POMGNT2: variants seen among roughly 807,000 people sequenced by gnomAD.
POMGNT2 encodes protein O-linked mannose N-acetylglucosaminyltransferase 2 (beta 1,4-).
POMGNT2 carries 32 observed loss-of-function variants against 37.8 expected under a neutral mutation model. The ratio of observed to expected loss-of-function variants is 0.85; its 90% CI spans 0.64 to 1.14. POMGNT2 has a LOEUF of 1.14. POMGNT2 is among the 50% of genes most tolerant of loss of function. POMGNT2 has a pLI of 0.00. For missense variants in POMGNT2, 705 were observed against 780.6 expected (o/e 0.90, Z 1.15); for synonymous variants, 340 against 336.8 (o/e 1.01, Z -0.10).
chr3:43,094,279 C>T (rs147304921), intron 1 of POMGNT2, among the ~76,000 whole-genome samples: 588 of 152,288 alleles, frequency 3.9e-3, no homozygotes, highest in Admixed American at 6.2e-3. Flanking sequence ...GATAAAGAGG[C>T]CTTTCCCCAT....
chr3:43,105,414 C>A (rs867458364), intron 1 of POMGNT2, among the ~76,000 whole-genome samples: 7 of 152,294 alleles, frequency 4.6e-5, no homozygotes, highest in Middle Eastern at 6.8e-3. Flanking sequence ...CAGGCCCGCT[C>A]CGCGCACCTC....
intron 1 of POMGNT2, among the ~76,000 whole-genome samples, chr3:43,085,760 C>T (rs1472011521): frequency 1.3e-5 from 2 of 149,802 alleles, no homozygotes; most frequent in East Asian, 1.9e-4. Flanking sequence ...GGGGTATTTA[C>T]AGCAAAAAAA....
At chr3:43,101,896 T>G (rs2090022155) in intron 1 of POMGNT2, among the ~76,000 whole-genome samples, 1 of 151,962 alleles carries the variant, frequency 6.6e-6, no homozygotes, top group Non-Finnish European at 1.5e-5. Context: ...CCACACAAAG[T>G]GCACCATTTG....
intron 1 of POMGNT2, among the ~76,000 whole-genome samples, 192 bp from the exon 2 acceptor site, chr3:43,081,728 C>T (rs1156366721): frequency 3.9e-5 from 6 of 152,332 alleles, no homozygotes; most frequent in South Asian, 4.1e-4. Context: ...CCCTCCCCAT[C>T]GCCTCCATGT....
chr3:43,091,552 C>A (rs1437918201), intron 1 of POMGNT2, among the ~76,000 whole-genome samples: 1 of 152,192 alleles, frequency 6.6e-6, no homozygotes, highest in Non-Finnish European at 1.5e-5. Context: ...CAGGCAAGAT[C>A]TGCTGATAGA....
intron 1 of POMGNT2, among the ~76,000 whole-genome samples, chr3:43,083,989 C>T (rs12497427): frequency 0.16 from 24,580 of 152,124 alleles, 2,395 homozygotes; most frequent in East Asian, 0.28. Context: ...ATTTTCACTG[C>T]GTATAGAATT....
chr3:43,082,227 GAAC>G (rs1266359956), intron 1 of POMGNT2, among the ~76,000 whole-genome samples: 1 of 152,200 alleles, frequency 6.6e-6, no homozygotes, highest in African/African-American at 2.4e-5. Flanking sequence ...CCTTAAATGA[GAAC>G]AACTGGCATT....
At chr3:43,093,649 C>T (rs1315599278) in intron 1 of POMGNT2, among the ~76,000 whole-genome samples, 2 of 152,114 alleles carry the variant, frequency 1.3e-5, no homozygotes, top group African/African-American at 2.4e-5. Flanking sequence ...CAGTCTACAC[C>T]GCTGTCTGAT....
At chr3:43,097,496 G>A (rs1452575253) in intron 1 of POMGNT2, among the ~76,000 whole-genome samples, 2 of 152,040 alleles carry the variant, frequency 1.3e-5, no homozygotes, top group Non-Finnish European at 2.9e-5. Flanking sequence ...AGGGGCAGGT[G>A]AGCAAGGGGG....
intron 1 of POMGNT2, among the ~76,000 whole-genome samples, chr3:43,103,287 T>C (rs1469967059): frequency 6.6e-6 from 1 of 152,090 alleles, no homozygotes; most frequent in African/African-American, 2.4e-5. Flanking sequence ...TCTCCTCCCT[T>C]ATCCACAGCT....
At chr3:43,095,843 A>G (rs965891489) in intron 1 of POMGNT2, among the ~76,000 whole-genome samples, 2 of 152,190 alleles carry the variant, frequency 1.3e-5, no homozygotes, top group Admixed American at 6.5e-5. Flanking sequence ...AGAGAACTCA[A>G]TCAGGGAGGA....
chr3:43,085,584 C>T (rs972100764), intron 1 of POMGNT2, among the ~76,000 whole-genome samples: 2 of 152,160 alleles, frequency 1.3e-5, no homozygotes, highest in Admixed American at 6.5e-5. Flanking sequence ...GAGGCCTCCC[C>T]AGCCATGTGG....
chr3:43,099,120 G>A (rs1233510502), intron 1 of POMGNT2, among the ~76,000 whole-genome samples: 1 of 152,164 alleles, frequency 6.6e-6, no homozygotes, highest in African/African-American at 2.4e-5. Flanking sequence ...GGTTTTCTAG[G>A]TGGAACTACA....
intron 1 of POMGNT2, among the ~76,000 whole-genome samples, chr3:43,104,883 A>G (rs974218246): frequency 2.6e-5 from 4 of 152,354 alleles, no homozygotes; most frequent in Admixed American, 1.3e-4. Context: ...AGAAAGAAAC[A>G]GAGGCTAAGA....
At chr3:43,082,461 G>A (rs964204293) in intron 1 of POMGNT2, among the ~76,000 whole-genome samples, 1 of 152,088 alleles carries the variant, frequency 6.6e-6, no homozygotes, top group Admixed American at 6.5e-5. Context: ...AATGTTTTGT[G>A]TACTGAGGCA....
Position 43,080,360 on chromosome 3 carries a change from C to T in POMGNT2, c.1072G>A (p.Gly358Arg). Reference sequence around the variant, plus strand: ...GGGAAGAGCTCTACCACAGTTGCCCCACGGGGCAGGAAGAGGGTGGTGACC... The same window carrying T: ...GGGAAGAGCTCTACCACAGTTGCCCTACGGGGCAGGAAGAGGGTGGTGACC... ...QLVTTLFLPR[G>R]ATVVELFPYA... Residue 358 changes from glycine (G) to arginine (R), a missense_variant, in exon 2 of 2, where the codon GGG becomes AGG. Physicochemically the swap from Gly to Arg is moderately radical, Grantham distance 125 (BLOSUM62 -2). Coordinates refer to ENST00000344697, the MANE Select transcript of POMGNT2 (RefSeq NM_032806.6). 1.2e-6 allele frequency: 2 copies of T among 1,614,142 alleles called. No homozygotes were observed. The highest frequency in any genetic ancestry group is 3.3e-4 in the Middle Eastern group (2 of 6,062).
intron 1 of POMGNT2, among the ~76,000 whole-genome samples, chr3:43,085,260 G>C (rs911889698): frequency 5.9e-5 from 9 of 152,172 alleles, no homozygotes; most frequent in African/African-American, 2.2e-4. Flanking sequence ...CAAGTGGGGA[G>C]GGTGTGGGGC....
chr3:43,081,101 G>A lies in POMGNT2; in HGVS notation c.331C>T (p.Arg111Cys), dbSNP rs746111916. ...SVMLPNLGSRRFQPALLDLST... is the reference protein window; with the variant it reads ...SVMLPNLGSRCFQPALLDLST... ...AGGTCGAGCAGGGCTGGCTGGAAGC[G>A]CCGGGAGCCCAGGTTGGGCAGCATG... Residue 111 changes from arginine (R) to cysteine (C), a missense_variant, in exon 2 of 2, where the codon CGC (arginine) becomes TGC (cysteine). By Grantham distance (180) the Arg-to-Cys change is radical (BLOSUM62 -3). Transcript: ENST00000344697. The A allele has an allele frequency of 8.1e-6, 13 of 1,614,226 alleles. No individual in the cohort carries two copies. The highest frequency in any genetic ancestry group is 1.1e-5 in the South Asian group (1 of 91,086).
chr3:43,079,766 A>C lies in POMGNT2; in HGVS notation c.1666T>G (p.Tyr556Asp), dbSNP rs200803235. The C allele has an allele frequency of 1.4e-5, 23 of 1,614,066 alleles. No homozygotes were observed. The highest frequency in any genetic ancestry group is 6.8e-6 in the Non-Finnish European group (8 of 1,180,048). ...AAGATGCAGCGGACCCACACCAGGT[A>C]GGTGGTGAAGGGCTTGATGTTCTCA... is the stretch of plus-strand genomic sequence containing the variant. ...FTENIKPFTT[Y>D]LVWVRCIFNK... The change falls in exon 2 of 2, where the codon TAC (tyrosine) becomes GAC (aspartate). Residue 556 changes from tyrosine (Y) to aspartate (D), a missense_variant. Transcript: ENST00000344697.
Sources: allele counts gnomAD v4.1 joint callset (sites outside exome capture counted in the v4.1 genomes callset), GRCh38; gene constraint gnomAD v4.1.1; transcripts MANE v1.5; gene names NCBI Gene and HGNC (gene_info 2026-07-23, HGNC 2026-07-21).